The following MARVELD3 variants were observed in gnomAD, a reference collection of about 807,000 sequenced individuals.
MARVELD3 encodes the protein MARVEL domain containing 3, also known as MARVEL domain-containing protein 3.
In MARVELD3, 28 loss-of-function variants were observed where a neutral mutation model predicts 33.5. That is an observed-to-expected ratio of 0.84 (90% CI 0.62 to 1.15). The LOEUF is 1.15. MARVELD3 is among the 50% of genes most tolerant of loss of function. MARVELD3 has a pLI of 0.00. For missense variants in MARVELD3, 582 were observed against 547.6 expected (o/e 1.06, Z -0.63); for synonymous variants, 241 against 230.4 (o/e 1.05, Z -0.42).
downstream of MARVELD3, among the ~76,000 whole-genome samples, chr16:71,636,748 G>GC (rs1211312539): frequency 7.2e-5 from 11 of 152,052 alleles, no homozygotes; most frequent in Admixed American, 7.2e-4. Context: ...GTGCCACTGT[G>GC]CCTGGCTAAT....
At chr16:71,640,140 G>A (rs188283870), downstream of MARVELD3, among the ~76,000 whole-genome samples, 110 of 151,910 alleles carry the variant, frequency 7.2e-4, 1 homozygote, top group South Asian at 5.6e-3. Flanking sequence ...AGGGTGGTGC[G>A]TGCCTGTAGT....
chr16:71,626,253 C>G lies in MARVELD3; in HGVS notation c.24C>G (p.Arg8=). Residue 8 remains arginine, a synonymous_variant, in exon 1 of 3, where the codon CGC becomes CGG. Transcript: ENST00000268485. This position sits in a 1 kb window ranked among gnomAD's most constrained non-coding sequence, Gnocchi z 5.3. MEDPSGA[R]EPRARPRERD... The stretch of plus-strand genomic sequence containing the variant: ...CCATGGAAGATCCGTCGGGGGCTCG[C>G]GAGCCCCGGGCCCGGCCGAGAGAGC... The G allele has an allele frequency of 1.3e-6, 2 of 1,513,262 alleles. No individual in the cohort carries two copies. The highest frequency in any genetic ancestry group is 8.8e-7 in the Non-Finnish European group (1 of 1,132,784). The allele number at this position is 1,513,262 out of a possible 1,614,324, so 93.7% of individuals were successfully genotyped here. A position where few individuals can be genotyped will look rare whatever the true frequency, so the allele number is the denominator to read the frequency against.
intron 2 of MARVELD3, among the ~76,000 whole-genome samples, chr16:71,632,319 T>C (rs2044541220): frequency 6.6e-6 from 1 of 152,210 alleles, no homozygotes; most frequent in Non-Finnish European, 1.5e-5. Flanking sequence ...GTAAGCTTAA[T>C]GTGGGTCATT....
In MARVELD3 at chr16:71,634,904, A is replaced by T. The variant is rs1423425763; in HGVS notation, c.*101A>T. On this transcript the variant is annotated 3_prime_UTR_variant, in exon 3 of 3. Coordinates refer to ENST00000268485, the MANE Select transcript of MARVELD3 (RefSeq NM_052858.6). ...TTGTTGTGGAAGTTTCCAGTGCTGG[A>T]AAAGCAGCGAGCCAGCGTTGGTGTG... is the stretch of plus-strand genomic sequence containing the variant. 1.0e-5 allele frequency: 15 copies of T among 1,493,546 alleles called. No homozygotes were observed. Among genetic ancestry groups the T allele is most frequent in the Non-Finnish European group, 1.3e-5 (15 of 1,125,654 alleles). 92.5% of individuals were successfully genotyped at this position (1,493,546 alleles called of 1,614,324 possible).
chr16:71,640,492 G>A (rs1399987038), downstream of MARVELD3: 1 of 1,613,998 alleles, frequency 6.2e-7, no homozygotes, highest in African/African-American at 1.3e-5. Context: ...TTTTCCAGCG[G>A]CGGTGGCTTT....
At chr16:71,640,875 G>A (rs755190760), downstream of MARVELD3, 53 of 1,614,062 alleles carry the variant, frequency 3.3e-5, no homozygotes, top group Non-Finnish European at 4.5e-5. Context: ...CGGAGCAGCA[G>A]CCACCTTTGC....
chr16:71,634,685 C>T lies in MARVELD3; in HGVS notation c.1088C>T (p.Ala363Val). ...GCSFHGADIG[A>V]GIFAALGIVV... The stretch of plus-strand genomic sequence containing the variant: ...AGTTTCCACGGAGCAGATATAGGAG[C>T]TGGAATCTTTGCTGCCCTGGGCATT... Residue 363 changes from alanine to valine, a missense_variant, in exon 3 of 3, where the codon GCT (alanine) becomes GTT (valine). Physicochemically the swap from Ala to Val is moderately conservative, Grantham distance 64. Transcript: ENST00000268485. 1 of 1,614,228 alleles carries T rather than the reference C, an allele frequency of 6.2e-7. No homozygotes were observed. Among genetic ancestry groups the T allele is most frequent in the Non-Finnish European group, 8.5e-7 (1 of 1,180,046 alleles).
At chr16:71,630,124 C>T (rs957015771) in intron 2 of MARVELD3, among the ~76,000 whole-genome samples, 3 of 149,762 alleles carry the variant, frequency 2.0e-5, no homozygotes, top group Non-Finnish European at 4.4e-5. Context: ...TAGTGGCTTA[C>T]GCCTGTAATC....
At chr16:71,632,817 G>A (rs866398087) in intron 2 of MARVELD3, among the ~76,000 whole-genome samples, 19 of 151,826 alleles carry the variant, frequency 1.3e-4, no homozygotes, top group African/African-American at 4.3e-4. Context: ...TCACCATGTT[G>A]GCCAGGCTGG....
Position 71,636,143 on chromosome 16 carries a change from T to G in MARVELD3, c.*1340T>G. 1 of 985,338 alleles carries G rather than the reference T, an allele frequency of 1.0e-6. No individual in the cohort carries two copies. Among genetic ancestry groups the G allele is most frequent in the Non-Finnish European group, 1.2e-6 (1 of 829,832 alleles). The allele number at this position is 985,338 out of a possible 1,614,324, so 61.0% of individuals were successfully genotyped here. A position where few individuals can be genotyped will look rare whatever the true frequency, so the allele number is the denominator to read the frequency against. ...ACTTATGGAACATTACAATATATTC[T>G]CGGTCCAAGTGAGTAAGTTCTTTGC... On this transcript the variant is annotated 3_prime_UTR_variant, in exon 3 of 3. Coordinates refer to ENST00000268485, the MANE Select transcript of MARVELD3 (RefSeq NM_052858.6).
chr16:71,633,987 G>C (rs1422790790), intron 2 of MARVELD3, among the ~76,000 whole-genome samples: 1 of 152,002 alleles, frequency 6.6e-6, no homozygotes, highest in Non-Finnish European at 1.5e-5. Context: ...TCACCCCTCT[G>C]AGTCCATAGT....
chr16:71,637,935 G>A (rs1567606672), downstream of MARVELD3: 1 of 152,038 alleles, frequency 6.6e-6, no homozygotes, highest in Admixed American at 6.6e-5. Context: ...TTTCATTTGA[G>A]CCTCCCCACA....
downstream of MARVELD3, among the ~76,000 whole-genome samples, chr16:71,636,997 G>C (rs1251837465): frequency 6.6e-6 from 1 of 152,110 alleles, no homozygotes; most frequent in East Asian, 1.9e-4. Flanking sequence ...TCCCACCATA[G>C]AGATAAACTG....
chr16:71,632,744 T>G (rs1164701844), intron 2 of MARVELD3, among the ~76,000 whole-genome samples: 2 of 151,920 alleles, frequency 1.3e-5, no homozygotes, highest in Non-Finnish European at 2.9e-5. Flanking sequence ...CCTGAGGAGC[T>G]GAGATTACAG....
intron 2 of MARVELD3, among the ~76,000 whole-genome samples, chr16:71,633,222 C>A (rs528226029): frequency 6.6e-6 from 1 of 151,884 alleles, no homozygotes; most frequent in African/African-American, 2.4e-5. Flanking sequence ...ATTAGCCAGG[C>A]CCAGGTTCAT....
downstream of MARVELD3, chr16:71,639,057 GTTCTT>G (rs1320746237): frequency 6.7e-4 from 87 of 129,704 alleles, no homozygotes; most frequent in Middle Eastern, 4.3e-3. Flanking sequence ...TTTCAGACTG[GTTCTT>G]TTTTTTTTTT....
At chr16:71,639,770 C>A (rs539689404), downstream of MARVELD3, among the ~76,000 whole-genome samples, 9 of 152,186 alleles carry the variant, frequency 5.9e-5, no homozygotes, top group South Asian at 1.9e-3. Context: ...CTTTTTATCG[C>A]TGAGTAGGGT....
At chr16:71,632,603 T>A (rs979798480) in intron 2 of MARVELD3, among the ~76,000 whole-genome samples, 7 of 151,766 alleles carry the variant, frequency 4.6e-5, no homozygotes, top group Middle Eastern at 3.4e-3. Context: ...TTTTTTTATT[T>A]TTTATTTATT....
intron 2 of MARVELD3, 142 bp from the exon 3 acceptor site, chr16:71,634,051 T>C (rs2044557573): frequency 1.5e-6 from 2 of 1,329,312 alleles, no homozygotes; most frequent in East Asian, 4.8e-5. Flanking sequence ...CTAGTTTTAA[T>C]CGCGCTGCTT....
Sources: gnomAD v4.1 joint callset for allele counts (sites outside exome capture counted in the v4.1 genomes callset) on GRCh38, gnomAD v4.1.1 for gene constraint, Gnocchi (gnomAD v3.1) non-coding constraint, MANE v1.5 for transcripts, NCBI Gene and HGNC (gene_info 2026-07-23, HGNC 2026-07-21) for gene names.